The following PCNX1 variants were observed in gnomAD, a reference collection of about 807,000 sequenced individuals.
The protein encoded by PCNX1 is pecanex 1.
Under a neutral mutation model 242.2 loss-of-function variants are expected in PCNX1, and 78 were observed. The ratio of observed to expected loss-of-function variants is 0.32; its 90% CI spans 0.27 to 0.39. The LOEUF (loss-of-function observed/expected upper bound fraction) is 0.39, where lower values mean the gene tolerates loss of function less well. PCNX1 is among the 10% of genes least tolerant of loss of function. PCNX1 has a pLI of 1.00. For missense variants in PCNX1, 2,581 were observed against 2,856.5 expected (o/e 0.90, Z 2.20); for synonymous variants, 1,024 against 1,032.9 (o/e 0.99, Z 0.17).
intron 26 of PCNX1, among the ~76,000 whole-genome samples, chr14:71,065,938 A>G (rs2061435176): frequency 6.6e-6 from 1 of 151,444 alleles, no homozygotes. Flanking sequence ...GCGTGGCATT[A>G]TTTCTGAGGC....
Position 71,010,674 on chromosome 14 carries a change from C to G in PCNX1, c.2721-818C>G, listed in dbSNP as rs1484365360. 2.6e-5 allele frequency among the ~76,000 whole-genome samples: 4 copies of G among 151,956 alleles called. No homozygotes were observed. The South Asian group carries it at 8.3e-4, about 31-fold the overall frequency. ...TATTTATTCAAATTGCACTTTGAAG[C>G]CTATTCTTGATTAATTAGTTTTCTT... On this transcript the variant is annotated intron_variant, in intron 9 of 35. Coordinates refer to ENST00000304743, the MANE Select transcript of PCNX1 (RefSeq NM_014982.3).
intron 1 of PCNX1, among the ~76,000 whole-genome samples, chr14:70,930,305 C>T (rs563125283): frequency 1.8e-4 from 27 of 152,268 alleles, no homozygotes; most frequent in African/African-American, 6.0e-4. Flanking sequence ...GTCACTGTAC[C>T]TGGCTTCATA....
At chr14:70,909,078 T>A (rs1236499920) in intron 1 of PCNX1, among the ~76,000 whole-genome samples, 1 of 152,084 alleles carries the variant, frequency 6.6e-6, no homozygotes, top group Non-Finnish European at 1.5e-5. Flanking sequence ...AGAGACAGGG[T>A]GCTGAGTTAG....
rs1243580207 is a variant in PCNX1 at position 71,108,701 on chromosome 14, C to G, written c.6399C>G (p.Ser2133Arg). 1 of 1,614,206 alleles carries G rather than the reference C, an allele frequency of 6.2e-7. No homozygotes were observed. The highest frequency in any genetic ancestry group is 8.5e-7 in the Non-Finnish European group (1 of 1,180,008). ...GCCAGTCTTCCTACTGCTATAGCAGCCGGCATTCATCCCTCCGGATGTCCA... is the reference window on the plus strand; with the variant it reads ...GCCAGTCTTCCTACTGCTATAGCAGGCGGCATTCATCCCTCCGGATGTCCA... ...VASQSSYCYS[S>R]RHSSLRMSTT... Residue 2133 changes from serine (S) to arginine (R), a missense_variant, in exon 34 of 36, where the codon AGC (serine) becomes AGG (arginine). Physicochemically the swap from Ser to Arg is moderately radical, Grantham distance 110. This residue lies in a region of PCNX1 where 432 missense variants were observed against 433.6 expected (regional missense o/e 1.00). Coordinates refer to ENST00000304743, the MANE Select transcript of PCNX1 (RefSeq NM_014982.3).
At chr14:71,053,922 G>T (rs1371713215) in intron 24 of PCNX1, among the ~76,000 whole-genome samples, 2 of 151,944 alleles carry the variant, frequency 1.3e-5, no homozygotes, top group African/African-American at 4.8e-5. Flanking sequence ...TGTACATTCA[G>T]TCAGGTGCAG....
chr14:71,089,691 C>A (rs1189143752), intron 30 of PCNX1, among the ~76,000 whole-genome samples: 1 of 152,138 alleles, frequency 6.6e-6, no homozygotes, highest in Non-Finnish European at 1.5e-5. Context: ...GATTCAATTA[C>A]CTCCCACCAG....
intron 5 of PCNX1, among the ~76,000 whole-genome samples, chr14:70,974,253 T>G (rs984263570): frequency 1.3e-5 from 2 of 149,754 alleles, no homozygotes. Context: ...TGTTTTTTTT[T>G]TTTTTTTTGA....
At chr14:70,967,950 G>A (rs186433300) in intron 3 of PCNX1, among the ~76,000 whole-genome samples, 259 of 152,226 alleles carry the variant, frequency 1.7e-3, no homozygotes, top group Non-Finnish European at 2.2e-3. Flanking sequence ...GGGGGGCTCC[G>A]TCAGTCCTGA....
chr14:71,030,847 T>C (rs1165359268), intron 16 of PCNX1, among the ~76,000 whole-genome samples: 1 of 152,176 alleles, frequency 6.6e-6, no homozygotes. Context: ...CTCATCATCA[T>C]AAATGAGGTC....
At chr14:70,947,765 A>T (rs1024303726) in intron 2 of PCNX1, among the ~76,000 whole-genome samples, 6 of 152,254 alleles carry the variant, frequency 3.9e-5, no homozygotes, top group African/African-American at 1.4e-4. Context: ...GGAGATAACC[A>T]TAAAGTCTGA....
chr14:70,980,890 A>G (rs954386244), intron 6 of PCNX1, among the ~76,000 whole-genome samples: 5 of 152,096 alleles, frequency 3.3e-5, no homozygotes, highest in African/African-American at 4.8e-5. Context: ...ATTTTATCCT[A>G]AAGAATATGA....
chr14:71,114,527 G>A lies in PCNX1; in HGVS notation c.*4592G>A, dbSNP rs2062816207. On this transcript the variant is annotated 3_prime_UTR_variant, in exon 36 of 36. Transcript: ENST00000304743. Reference sequence around the variant, plus strand: ...TGCCTACATACAACATACTTTTTCTGAATTAAGATAACTTCTATTTGTGAG... The same window carrying A: ...TGCCTACATACAACATACTTTTTCTAAATTAAGATAACTTCTATTTGTGAG... The A allele has an allele frequency of 1.3e-5, 2 of 152,504 alleles. No homozygotes were observed. The highest frequency in any genetic ancestry group is 4.1e-4 in the South Asian group (2 of 4,820). The allele number at this position is 152,504 out of a possible 1,614,324, so 9.4% of individuals were successfully genotyped here. A position where few individuals can be genotyped will look rare whatever the true frequency, so the allele number is the denominator to read the frequency against.
chr14:71,111,331 A>T lies in PCNX1; in HGVS notation c.*1396A>T, dbSNP rs1048120194. 1 of 152,652 alleles carries T rather than the reference A, an allele frequency of 6.6e-6. No homozygotes were observed. The highest frequency in any genetic ancestry group is 2.4e-5 in the African/African-American group (1 of 41,478). 9.5% of individuals were successfully genotyped at this position (152,652 alleles called of 1,614,324 possible). On this transcript the variant is annotated 3_prime_UTR_variant, in exon 36 of 36. Transcript: ENST00000304743. The stretch of plus-strand genomic sequence containing the variant: ...TCCCTTTTGGTGTGAAACTCCAAAG[A>T]AAATTGTACATCTCCTCTGAGCATT...
chr14:71,099,589 A>G (rs534334682), intron 30 of PCNX1, among the ~76,000 whole-genome samples: 26 of 152,328 alleles, frequency 1.7e-4, no homozygotes, highest in African/African-American at 6.0e-4. Context: ...GTAGGTGTCT[A>G]TTAGATCCAA....
At chr14:70,918,464 T>C (rs917712595) in intron 1 of PCNX1, among the ~76,000 whole-genome samples, 2 of 152,224 alleles carry the variant, frequency 1.3e-5, no homozygotes, top group African/African-American at 4.8e-5. Context: ...AATTCTAAAA[T>C]AGTAAAATCA....
In PCNX1 at chr14:71,064,580, G is replaced by A. The variant is rs374991063; in HGVS notation, c.4852+6856G>A. Among the ~76,000 whole-genome samples, 550 of 152,232 alleles carry A rather than the reference G, an allele frequency of 3.6e-3. 1 individual carries two copies. The highest frequency in any genetic ancestry group is 0.013 in the African/African-American group (532 of 41,556). ...CCTGGAAAGAAAGAAAAATGAAGTA[G>A]TAACACATAAAACTAAGAAATAGTC... On this transcript the variant is annotated intron_variant, in intron 26 of 35. Transcript: ENST00000304743.
At chr14:70,946,041 T>C (rs906712404) in intron 1 of PCNX1, among the ~76,000 whole-genome samples, 17 of 152,372 alleles carry the variant, frequency 1.1e-4, no homozygotes, top group Admixed American at 1.0e-3. Context: ...CTGCCACCTG[T>C]GGACTCAAGT....
chr14:71,084,540 C>T (rs2061935709), intron 28 of PCNX1, among the ~76,000 whole-genome samples: 1 of 150,972 alleles, frequency 6.6e-6, no homozygotes, highest in Non-Finnish European at 1.5e-5. Flanking sequence ...CAGAGATGCC[C>T]TGCCCAGAGA....
chr14:71,048,247 A>G (rs2060920682), intron 22 of PCNX1, among the ~76,000 whole-genome samples: 1 of 152,166 alleles, frequency 6.6e-6, no homozygotes, highest in African/African-American at 2.4e-5. Context: ...TTTAAAATAT[A>G]TAGAATCTCT....
Sources: gnomAD v4.1 joint callset for allele counts (sites outside exome capture counted in the v4.1 genomes callset) on GRCh38, gnomAD v4.1.1 for gene constraint, gnomAD v4.1.1 regional missense constraint, MANE v1.5 for transcripts, NCBI Gene and HGNC (gene_info 2026-07-23, HGNC 2026-07-21) for gene names.